The following STAT6 variants were observed in gnomAD, a reference collection of about 807,000 sequenced individuals.
The protein encoded by STAT6 is signal transducer and activator of transcription 6, also known as STAT, interleukin4-induced.
STAT6 carries 45 observed loss-of-function variants against 106.3 expected under a neutral mutation model. That is an observed-to-expected ratio of 0.42 (90% CI 0.33 to 0.54). The LOEUF (loss-of-function observed/expected upper bound fraction) is 0.54, where lower values mean the gene tolerates loss of function less well. Among genes scored for constraint, STAT6 ranks in the 20% least tolerant of loss-of-function variants. The pLI, the probability that STAT6 is intolerant of heterozygous loss-of-function variation, is 0.06. For synonymous variants in STAT6, 413 were observed against 413.6 expected (o/e 1.00, Z 0.02); for missense variants, 797 against 1,062.2 (o/e 0.75, Z 3.47).
At chr12:57,107,846 T>C in intron 2 of STAT6, 103 bp from the exon 3 acceptor site, 7 of 1,499,482 alleles carry the variant, frequency 4.7e-6, no homozygotes, top group Admixed American at 2.0e-5. Flanking sequence ...TCTCGCTCCT[T>C]ATTCTCCATC....
Position 57,098,849 on chromosome 12 carries a change from T to A in STAT6, c.2009A>T (p.Tyr670Phe). 6.2e-7 allele frequency: 1 copy of A among 1,613,422 alleles called. No individual in the cohort carries two copies. The highest frequency in any genetic ancestry group is 8.5e-7 in the Non-Finnish European group (1 of 1,179,786). ...GGAATCAGGGGCCATTCCAAGGTCA[T>A]AAGAAGGCACCATGGTAGGCATCTG... Reference protein sequence around the residue: ...ELQMPTMVPSYDLGMAPDSSM... With the variant: ...ELQMPTMVPSFDLGMAPDSSM... The change falls in exon 18 of 22, where the codon TAT becomes TTT. Residue 670 changes from tyrosine to phenylalanine, a missense_variant. This residue lies in a region of STAT6 where 226 missense variants were observed against 236.7 expected (regional missense o/e 0.95). Transcript: ENST00000300134.
Position 57,102,819 on chromosome 12 carries a change from C to G in STAT6, c.1305+10G>C, listed in dbSNP as rs1592560420. On this transcript the variant is annotated intron_variant, in intron 12 of 21. Transcript: ENST00000300134. ...GCCCCTGTTCCCTCCAACTCCAGGACTTTCCTCACCATCTCAGAGAAGGCA... is the reference window on the plus strand; with the variant it reads ...GCCCCTGTTCCCTCCAACTCCAGGAGTTTCCTCACCATCTCAGAGAAGGCA... The G allele has an allele frequency of 6.2e-7, 1 of 1,611,814 alleles. No homozygotes were observed. The highest frequency in any genetic ancestry group is 2.2e-5 in the East Asian group (1 of 44,852).
In STAT6 at chr12:57,106,214, C is replaced by T. The variant is rs776037019; in HGVS notation, c.657G>A (p.Glu219=). 17 of 1,614,088 alleles carry T rather than the reference C, an allele frequency of 1.1e-5. No individual in the cohort carries two copies. Among genetic ancestry groups the T allele is most frequent in the African/African-American group, 4.0e-5 (3 of 74,942 alleles). The change falls in exon 7 of 22, where the codon GAG becomes GAA. Residue 219 remains glutamate, a synonymous_variant. Coordinates refer to ENST00000300134, the MANE Select transcript of STAT6 (RefSeq NM_003153.5). ...QLAGNGAPFE[E]SLAPLQERCE... is the part of the protein sequence containing the mutation. ...ACCTCTCCTGGAGTGGGGCCAGGCT[C>T]TCCTCAAACGGTGCGCCATTCCCTG...
At chr12:57,107,434 A>G in intron 3 of STAT6, 120 bp from the exon 4 acceptor site, 1 of 1,309,234 alleles carries the variant, frequency 7.6e-7, no homozygotes, top group Non-Finnish European at 1.1e-6. Context: ...AGACTCCAGA[A>G]GTTTTTGTGC....
Position 57,105,316 on chromosome 12 carries a change from G to C in STAT6, c.836C>G (p.Pro279Arg). The change falls in exon 9 of 22, where the codon CCC becomes CGC. Residue 279 changes from proline to arginine, a missense_variant. This residue lies in a region of STAT6 where 336 missense variants were observed against 429.8 expected (regional missense o/e 0.78). Transcript: ENST00000300134. ...GGTCTGAGTCTTCAGTACCTGGGGG[G>C]GCTGCTTCTCCACCAGGAAGCAACT... ...VTSCFLVEKQ[P>R]PQVLKTQTKF... 6.2e-7 allele frequency: 1 copy of C among 1,614,064 alleles called. No individual in the cohort carries two copies. The highest frequency in any genetic ancestry group is 8.5e-7 in the Non-Finnish European group (1 of 1,179,962).
chr12:57,098,133 G>T (rs190353723), intron 19 of STAT6, among the ~76,000 whole-genome samples: 22 of 152,298 alleles, frequency 1.4e-4, no homozygotes, highest in African/African-American at 5.1e-4. Flanking sequence ...TTCATTAAGT[G>T]ATCCACGACT....
At position 57,099,399 on chromosome 12, in the gene STAT6, C is replaced by T; in HGVS notation, c.1786G>A (p.Asp596Asn). The change falls in exon 16 of 22, where the codon GAC becomes AAC. Residue 596 changes from aspartate to asparagine, a missense_variant. Asp to Asn is a conservative substitution (Grantham distance 23, BLOSUM62 1). Coordinates refer to ENST00000300134, the MANE Select transcript of STAT6 (RefSeq NM_003153.5). The surrounding 1 kb of genome is among the most constrained non-coding windows in gnomAD (Gnocchi z 4.7). ...TCCCCCAGTGAGCGAATGGACAGGT[C>T]TTTGGCAGAGAATGGCTGGATGTTC... is the stretch of plus-strand genomic sequence containing the variant. ...IENIQPFSAK[D>N]LSIRSLGDRI... is the part of the protein sequence containing the mutation. 1.2e-6 allele frequency: 2 copies of T among 1,614,192 alleles called. No homozygotes were observed. The highest frequency in any genetic ancestry group is 1.7e-6 in the Non-Finnish European group (2 of 1,180,034).
chr12:57,109,193 C>G (rs1211779958), intron 1 of STAT6, among the ~76,000 whole-genome samples: 1 of 151,910 alleles, frequency 6.6e-6, no homozygotes, highest in East Asian at 1.9e-4. Context: ...CAGAGAGAGA[C>G]TCTGCCTCAA....
intron 1 of STAT6, among the ~76,000 whole-genome samples, chr12:57,109,710 C>T (rs149365230): frequency 1.2e-4 from 19 of 152,116 alleles, no homozygotes; most frequent in East Asian, 1.9e-4. Flanking sequence ...AGATGAGAGA[C>T]GAAAACAGGT....
intron 11 of STAT6, 54 bp downstream of exon 11, chr12:57,104,410 C>T (rs1327660086): frequency 1.3e-6 from 2 of 1,574,030 alleles, no homozygotes; most frequent in Non-Finnish European, 1.7e-6. Flanking sequence ...TTGTGTGTGG[C>T]ATTGGAGGAG....
At chr12:57,101,077 TTTTCTTTC>T (rs570198953) in intron 13 of STAT6, among the ~76,000 whole-genome samples, 17 of 152,102 alleles carry the variant, frequency 1.1e-4, no homozygotes, top group African/African-American at 3.6e-4. Context: ...CAGGAATTCT[TTTTCTTTC>T]TTTCTTTCTT....
chr12:57,105,676 A>C lies in STAT6; in HGVS notation c.681-77T>G, dbSNP rs969384451. 2.6e-6 allele frequency: 4 copies of C among 1,528,790 alleles called. No homozygotes were observed. The African/African-American group carries it at 4.1e-5, about 16-fold the overall frequency. The allele number at this position is 1,528,790 out of a possible 1,614,324, so 94.7% of individuals were successfully genotyped here. A position where few individuals can be genotyped will look rare whatever the true frequency, so the allele number is the denominator to read the frequency against. On this transcript the variant is annotated intron_variant, in intron 7 of 21. Coordinates refer to ENST00000300134, the MANE Select transcript of STAT6 (RefSeq NM_003153.5). ...GCCCAGACCCCCTTCCCCTATACCCAGGGAGAAAGGCTATCATGTGTGGAG... is the reference window on the plus strand; with the variant it reads ...GCCCAGACCCCCTTCCCCTATACCCCGGGAGAAAGGCTATCATGTGTGGAG...
In STAT6 at chr12:57,104,493, C is replaced by G. The variant is rs768499879; in HGVS notation, c.1183G>C (p.Gly395Arg). The change falls in exon 11 of 22, where the codon GGC becomes CGC. Residue 395 changes from glycine (G) to arginine (R), a missense_variant. Around this residue, in one of 4 missense-constraint regions of STAT6, gnomAD observed 222 missense variants for 354.6 expected, o/e 0.63. Transcript: ENST00000300134. Reference protein sequence around the residue: ...AVLFSASFTLGPGKLPIQLQA... With the variant: ...AVLFSASFTLRPGKLPIQLQA... ...AGCTGGATGGGGAGTTTGCCGGGGC[C>G]AAGTGTGAAGCTGGCAGAGAAGAGC... 6.2e-7 allele frequency: 1 copy of G among 1,611,898 alleles called. No homozygotes were observed. Among genetic ancestry groups the G allele is most frequent in the Non-Finnish European group, 8.5e-7 (1 of 1,179,300 alleles).
At chr12:57,103,230 T>G (rs2034062620) in intron 11 of STAT6, 1 of 200,740 alleles carries the variant, frequency 5.0e-6, no homozygotes, top group South Asian at 8.8e-5. Context: ...AGTGGCGCGA[T>G]CTTGGCTCAC....
rs139256446 is a variant in STAT6, at chr12:57,105,833, C to T, written c.681-234G>A. 666 of 734,792 alleles carry T rather than the reference C, an allele frequency of 9.1e-4. 1 individual carries two copies. The African/African-American group carries it at 0.011, about 12-fold the overall frequency. 45.5% of individuals were successfully genotyped at this position (734,792 alleles called of 1,614,324 possible). A position where few individuals can be genotyped will look rare whatever the true frequency, so the allele number is the denominator to read the frequency against. On this transcript the variant is annotated intron_variant, in intron 7 of 21. Coordinates refer to ENST00000300134, the MANE Select transcript of STAT6 (RefSeq NM_003153.5). ...CCCCTGTGGAAACCCAGCTGCCTCT[C>T]CCCCGACGGCTCTTGCACCCAGGAC...
chr12:57,104,246 G>A, intron 11 of STAT6: 1 of 608,550 alleles, frequency 1.6e-6, no homozygotes, highest in South Asian at 2.0e-5. Context: ...TGGTCTATAG[G>A]AAGTGCTTCC....
chr12:57,107,709 T>A lies in STAT6; in HGVS notation c.151A>T (p.Asn51Tyr). 1 of 1,613,994 alleles carries A rather than the reference T, an allele frequency of 6.2e-7. No homozygotes were observed. The highest frequency in any genetic ancestry group is 8.5e-7 in the Non-Finnish European group (1 of 1,180,010). The change falls in exon 3 of 22, where the codon AAC (asparagine) becomes TAC (tyrosine). Residue 51 changes from asparagine (N) to tyrosine (Y), a missense_variant. Transcript: ENST00000300134. ...FLVGSDAFCC[N>Y]LASALLSDTV... ...TCTGAAAGTAGGGCACTAGCCAAGT[T>A]GCAGCAGAAGGCGTCGGAGCCGACC...
intron 1 of STAT6, among the ~76,000 whole-genome samples, chr12:57,108,526 T>TGGGGAGGCAA (rs3024949): frequency 0.06 from 9,089 of 152,150 alleles, 300 homozygotes; most frequent in African/African-American, 0.082. Flanking sequence ...GCCAGAGGGA[T>TGGGGAGGCAA]GGGGAGGCAA....
intron 13 of STAT6, among the ~76,000 whole-genome samples, chr12:57,100,446 C>T (rs1249367147): frequency 6.6e-6 from 1 of 151,986 alleles, no homozygotes; most frequent in Non-Finnish European, 1.5e-5. Flanking sequence ...GGCCCTGGAG[C>T]CCCTCTTAAC....
Sources: gnomAD v4.1 joint callset for allele counts (sites outside exome capture counted in the v4.1 genomes callset) on GRCh38, gnomAD v4.1.1 for gene constraint, gnomAD v4.1.1 regional missense constraint, Gnocchi (gnomAD v3.1) non-coding constraint, MANE v1.5 for transcripts, NCBI Gene and HGNC (gene_info 2026-07-23, HGNC 2026-07-21) for gene names.